The following CDH13 variants were observed in gnomAD, a reference collection of about 807,000 sequenced individuals.
CDH13 encodes the protein cadherin 13.
In CDH13, 24 loss-of-function variants were observed where a neutral mutation model predicts 63.8. That is an observed-to-expected ratio of 0.38 (90% CI 0.27 to 0.53). The LOEUF is 0.53. Among genes scored for constraint, CDH13 ranks in the 20% least tolerant of loss-of-function variants. The pLI is 0.85. For synonymous variants in CDH13, 503 were observed against 355.3 expected (o/e 1.42, Z -4.67); for missense variants, 1,049 against 903.1 (o/e 1.16, Z -2.07).
intron 5 of CDH13, among the ~76,000 whole-genome samples, chr16:83,298,140 G>A (rs1272091394): frequency 1.3e-5 from 2 of 152,010 alleles, no homozygotes; most frequent in East Asian, 3.9e-4. Flanking sequence ...CTACTCAGGA[G>A]GCTGAGGCGG....
chr16:83,570,894 G>A (rs8062046), intron 7 of CDH13, among the ~76,000 whole-genome samples: 82,463 of 128,666 alleles, frequency 0.64, 26,406 homozygotes, highest in East Asian at 0.74. Context: ...AAATGAAACT[G>A]TATAATTTTT....
chr16:83,779,024 A>G lies in CDH13; in HGVS notation c.1682-944A>G, dbSNP rs1007591909. ...AGTCATATTTATCTCCATTCTTTGA[A>G]TAGATTTCAGTGTGTGAGAATGACT... On this transcript the variant is annotated intron_variant, in intron 11 of 13. Coordinates refer to ENST00000567109, the MANE Select transcript of CDH13 (RefSeq NM_001257.5). Among the ~76,000 whole-genome samples the G allele has an allele frequency of 2.6e-5, 4 of 152,220 alleles. No individual in the cohort carries two copies. In the South Asian group the frequency reaches 8.3e-4, roughly 31 times the overall value.
chr16:82,975,229 A>T (rs1909332941), intron 2 of CDH13, among the ~76,000 whole-genome samples: 1 of 152,180 alleles, frequency 6.6e-6, no homozygotes, highest in Admixed American at 6.5e-5. Flanking sequence ...TTGGGAGAGG[A>T]TGCACAAATC....
rs761977031 is a variant in CDH13, at chr16:82,774,383, T to C, written c.46-83979T>C. On this transcript the variant is annotated intron_variant, in intron 1 of 13. Transcript: ENST00000567109. ...TCCCCATCTGTAAATTGTGGATACT[T>C]ACACTAGCTATCTCATAGGTTATTG... Among the ~76,000 whole-genome samples, 43 of 151,990 alleles carry C rather than the reference T, an allele frequency of 2.8e-4. 1 individual carries two copies. The highest frequency in any genetic ancestry group is 1.2e-4 in the Non-Finnish European group (8 of 67,992).
In CDH13 at chr16:83,663,267, C is replaced by T. The variant is rs185184179; in HGVS notation, c.1102-7523C>T. Reference sequence around the variant, plus strand: ...GACTCCCTAGTACCACTGTTTTCAGCAGGGACTGGGGGTAGGTTTAGGTCC... The same window carrying T: ...GACTCCCTAGTACCACTGTTTTCAGTAGGGACTGGGGGTAGGTTTAGGTCC... On this transcript the variant is annotated intron_variant, in intron 8 of 13. Transcript: ENST00000567109. Among the ~76,000 whole-genome samples, 38 of 152,282 alleles carry T rather than the reference C, an allele frequency of 2.5e-4. No individual in the cohort carries two copies. The East Asian group carries it at 7.3e-3, about 29-fold the overall frequency.
intron 2 of CDH13, among the ~76,000 whole-genome samples, chr16:83,030,768 C>T (rs562503703): frequency 6.6e-6 from 1 of 151,410 alleles, no homozygotes. Flanking sequence ...ACAAATCGTC[C>T]AGGGCTACCA....
intron 2 of CDH13, among the ~76,000 whole-genome samples, chr16:82,906,960 C>G (rs984609516): frequency 6.6e-6 from 1 of 152,182 alleles, no homozygotes; most frequent in Non-Finnish European, 1.5e-5. Context: ...TTTGTCACAT[C>G]TGCAAAGGCC....
At chr16:83,361,002 G>A (rs2091151376) in intron 6 of CDH13, among the ~76,000 whole-genome samples, 1 of 152,138 alleles carries the variant, frequency 6.6e-6, no homozygotes, top group African/African-American at 2.4e-5. Context: ...AGTGCTTTGA[G>A]AAATTGCCAA....
At chr16:82,660,449 GA>G (rs1240426512) in intron 1 of CDH13, among the ~76,000 whole-genome samples, 1 of 150,880 alleles carries the variant, frequency 6.6e-6, no homozygotes, top group Admixed American at 6.6e-5. Context: ...GGCGTGCGGG[GA>G]AACCCAAGAG....
intron 2 of CDH13, among the ~76,000 whole-genome samples, chr16:82,980,737 T>C (rs898407957): frequency 1.3e-5 from 2 of 152,336 alleles, no homozygotes; most frequent in Non-Finnish European, 2.9e-5. Context: ...AACTGTATCC[T>C]TTTGGGGTTG....
chr16:82,659,374 G>T (rs1010280210), intron 1 of CDH13, among the ~76,000 whole-genome samples: 1 of 152,184 alleles, frequency 6.6e-6, no homozygotes, highest in Non-Finnish European at 1.5e-5. Flanking sequence ...CATTGAGAGG[G>T]GAATAGCAGG....
At chr16:82,849,947 T>G (rs1294266316) in intron 1 of CDH13, among the ~76,000 whole-genome samples, 2 of 152,240 alleles carry the variant, frequency 1.3e-5, no homozygotes, top group African/African-American at 4.8e-5. Context: ...CTTCAAATCT[T>G]ACTGTTCATT....
At chr16:82,815,266 A>T (rs1371945988) in intron 1 of CDH13, among the ~76,000 whole-genome samples, 1 of 152,136 alleles carries the variant, frequency 6.6e-6, no homozygotes, top group Non-Finnish European at 1.5e-5. Context: ...CCGAGTGTGG[A>T]CATCCACATC....
At position 83,740,764 on chromosome 16, in the gene CDH13, A is replaced by C. The variant is rs562028259; in HGVS notation, c.1539-7344A>C. ...TATGGAGTCACAGAAGGTCATACCT[A>C]CATGAAAGGCAAGGCAAGAAGTATC... On this transcript the variant is annotated intron_variant, in intron 10 of 13. Transcript: ENST00000567109. 3.9e-5 allele frequency among the ~76,000 whole-genome samples: 6 copies of C among 152,174 alleles called. No homozygotes were observed. The South Asian group carries it at 8.3e-4, about 21-fold the overall frequency.
At chr16:83,279,270 A>C (rs2089088733) in intron 5 of CDH13, among the ~76,000 whole-genome samples, 1 of 152,190 alleles carries the variant, frequency 6.6e-6, no homozygotes, top group African/African-American at 2.4e-5. Context: ...GATCTGAAGT[A>C]GAAGAGAAAG....
At chr16:82,809,551 A>G (rs1409775199) in intron 1 of CDH13, among the ~76,000 whole-genome samples, 1 of 152,146 alleles carries the variant, frequency 6.6e-6, no homozygotes, top group Non-Finnish European at 1.5e-5. Context: ...TAACCCTGAA[A>G]TCAGGTCTGA....
intron 7 of CDH13, among the ~76,000 whole-genome samples, chr16:83,567,670 G>A (rs536664792): frequency 1.1e-4 from 17 of 152,158 alleles, no homozygotes; most frequent in South Asian, 4.1e-4. Context: ...ATCTGGGCTC[G>A]CTGCAAGCTC....
intron 1 of CDH13, among the ~76,000 whole-genome samples, chr16:82,747,542 A>C (rs572019659): frequency 1.3e-5 from 2 of 152,230 alleles, no homozygotes; most frequent in East Asian, 3.9e-4. Flanking sequence ...TTGAAATGCA[A>C]ATTCTTGGGT....
At chr16:83,662,918 C>T (rs201311234) in intron 8 of CDH13, among the ~76,000 whole-genome samples, 6 of 152,112 alleles carry the variant, frequency 3.9e-5, no homozygotes, top group Non-Finnish European at 7.4e-5. Flanking sequence ...AACCAGTCAG[C>T]GACTGAGAGC....
Sources: gnomAD v4.1 joint callset for allele counts (sites outside exome capture counted in the v4.1 genomes callset) on GRCh38, gnomAD v4.1.1 for gene constraint, MANE v1.5 for transcripts, NCBI Gene and HGNC (gene_info 2026-07-23, HGNC 2026-07-21) for gene names.